Variants in TBC1D5 observed in about 807,000 individuals in gnomAD.
TBC1D5 encodes the protein TBC1 domain family, member 5.
In TBC1D5, 75 loss-of-function variants were observed where a neutral mutation model predicts 100.3. The observed-to-expected ratio is 0.75, with a 90% CI of 0.62 to 0.91. TBC1D5 has a LOEUF of 0.91. Among genes scored for constraint, TBC1D5 ranks in the 40% least tolerant of loss-of-function variants. TBC1D5 has a pLI of 0.00. For missense variants in TBC1D5, 910 were observed against 942.4 expected (o/e 0.97, Z 0.45); for synonymous variants, 323 against 325.6 (o/e 0.99, Z 0.09).
chr3:17,188,335 T>C (rs149258600), intron 18 of TBC1D5, among the ~76,000 whole-genome samples: 16 of 152,290 alleles, frequency 1.1e-4, no homozygotes, highest in South Asian at 8.3e-4. Context: ...GAAGTGCATC[T>C]TGAATACCTA....
At chr3:17,525,815 A>G (rs2096127445) in intron 2 of TBC1D5, among the ~76,000 whole-genome samples, 2 of 147,682 alleles carry the variant, frequency 1.4e-5, no homozygotes, top group Admixed American at 1.3e-4. Context: ...ATCCTCTCCC[A>G]ACCAATTCCT....
chr3:17,474,772 T>C (rs1007934254), intron 3 of TBC1D5, among the ~76,000 whole-genome samples: 1 of 152,086 alleles, frequency 6.6e-6, no homozygotes, highest in Non-Finnish European at 1.5e-5. Context: ...TGAATGTCAA[T>C]GGGCAAGGAC....
chr3:17,427,667 C>T (rs985098996), intron 4 of TBC1D5, among the ~76,000 whole-genome samples: 1 of 151,838 alleles, frequency 6.6e-6, no homozygotes, highest in Non-Finnish European at 1.5e-5. Flanking sequence ...TAAATTGTTT[C>T]TTCAAGAATC....
At chr3:17,572,886 C>T (rs1036461462) in intron 2 of TBC1D5, among the ~76,000 whole-genome samples, 12 of 152,066 alleles carry the variant, frequency 7.9e-5, no homozygotes, top group Non-Finnish European at 1.5e-4. Flanking sequence ...CTCCTTATCT[C>T]TACCTATAAT....
At chr3:17,552,090 T>C (rs1002429605) in intron 2 of TBC1D5, among the ~76,000 whole-genome samples, 1 of 152,030 alleles carries the variant, frequency 6.6e-6, no homozygotes, top group Admixed American at 6.6e-5. Flanking sequence ...TCCCTTAGGC[T>C]GTCTCTAATA....
At chr3:17,629,266 A>G (rs1035668266) in intron 1 of TBC1D5, among the ~76,000 whole-genome samples, 2 of 152,352 alleles carry the variant, frequency 1.3e-5, no homozygotes, top group East Asian at 1.9e-4. Context: ...ATGGTAATTT[A>G]GCCATTAGAT....
At chr3:17,260,818 A>G (rs1055036436) in intron 15 of TBC1D5, among the ~76,000 whole-genome samples, 5 of 152,240 alleles carry the variant, frequency 3.3e-5, no homozygotes, top group African/African-American at 4.8e-5. Flanking sequence ...ACTAAATGTG[A>G]TATTTTATTT....
chr3:17,472,134 G>A (rs1462742014), intron 3 of TBC1D5, among the ~76,000 whole-genome samples: 4 of 145,200 alleles, frequency 2.8e-5, no homozygotes, highest in African/African-American at 5.1e-5. Flanking sequence ...TATGAAAGGA[G>A]TTTTTTTTTT....
chr3:17,656,545 A>T (rs2066081056), intron 1 of TBC1D5, among the ~76,000 whole-genome samples: 1 of 152,154 alleles, frequency 6.6e-6, no homozygotes, highest in Admixed American at 6.5e-5. Flanking sequence ...CCCTGTTCTC[A>T]GATTCCCATG....
chr3:17,360,885 T>C (rs1213758102), intron 13 of TBC1D5, among the ~76,000 whole-genome samples: 1 of 151,980 alleles, frequency 6.6e-6, no homozygotes, highest in Non-Finnish European at 1.5e-5. Context: ...TTTTTGGTTG[T>C]TTTCATTAGT....
chr3:17,671,687 C>A (rs2067960622), intron 1 of TBC1D5, among the ~76,000 whole-genome samples: 1 of 152,124 alleles, frequency 6.6e-6, no homozygotes, highest in Non-Finnish European at 1.5e-5. Context: ...TAAACATTCT[C>A]CCCCAAATGT....
chr3:17,175,460 T>C (rs2067616168), intron 19 of TBC1D5, among the ~76,000 whole-genome samples: 1 of 152,196 alleles, frequency 6.6e-6, no homozygotes, highest in African/African-American at 2.4e-5. Context: ...AAATCTGTCA[T>C]AATCATGATA....
chr3:17,186,746 TA>T lies in TBC1D5; in HGVS notation c.1753-1539del, dbSNP rs1302354970. Among the ~76,000 whole-genome samples the T allele has an allele frequency of 4.1e-4, 34 of 83,136 alleles. 1 individual carries two copies. Among genetic ancestry groups the T allele is most frequent in the African/African-American group, 1.5e-3 (32 of 21,682 alleles). 54.5% of individuals were successfully genotyped at this position (83,136 alleles called of 152,430 possible). On this transcript the variant is annotated intron_variant, in intron 18 of 21. Coordinates refer to ENST00000253692, the Ensembl canonical transcript of TBC1D5. ...AAAAAAAAAAAAAAAAAAAAAAAAT[TA>T]AAAAAAGAAAAGAAAAGAAAATAGA...
chr3:17,713,112 GTATT>G (rs1560534550), intron 1 of TBC1D5, among the ~76,000 whole-genome samples: 1 of 151,964 alleles, frequency 6.6e-6, no homozygotes, highest in East Asian at 1.9e-4. Context: ...CTTTACTCGC[GTATT>G]TTTCTCTGTT....
rs576164910 is a variant in TBC1D5 at position 17,191,183 on chromosome 3, C to G, written c.1753-5975G>C. Among the ~76,000 whole-genome samples the G allele has an allele frequency of 1.4e-4, 22 of 152,258 alleles. No individual in the cohort carries two copies. In the South Asian group the frequency reaches 3.3e-3, roughly 23 times the overall value. On this transcript the variant is annotated intron_variant, in intron 18 of 21. Coordinates refer to ENST00000253692, the Ensembl canonical transcript of TBC1D5. ...AACAAGCTGGAATATAAATCACAAG[C>G]CTTAAAATCAGTATATACTAGGCTT... is the stretch of plus-strand genomic sequence containing the variant.
intron 2 of TBC1D5, among the ~76,000 whole-genome samples, chr3:17,612,178 T>C (rs2061718784): frequency 6.6e-6 from 1 of 151,384 alleles, no homozygotes; most frequent in Admixed American, 6.6e-5. Flanking sequence ...TGTGTACCTG[T>C]AGTCCCAGTT....
chr3:17,513,055 C>G (rs556881449), intron 2 of TBC1D5, among the ~76,000 whole-genome samples: 1 of 151,982 alleles, frequency 6.6e-6, no homozygotes, highest in African/African-American at 2.4e-5. Context: ...CAATACAGGC[C>G]GGGCATGGTG....
intron 2 of TBC1D5, among the ~76,000 whole-genome samples, chr3:17,559,884 C>T (rs565674125): frequency 8.5e-4 from 129 of 152,026 alleles, no homozygotes; most frequent in Non-Finnish European, 9.9e-4. Flanking sequence ...CCACCGCGCC[C>T]GGCCAAATCT....
chr3:17,185,055 T>C, intron 19 of TBC1D5, 54 bp downstream of exon 20: 1 of 1,492,424 alleles, frequency 6.7e-7, no homozygotes, highest in Non-Finnish European at 9.3e-7. Context: ...GTATTGCTAG[T>C]GGCTATTATT....
Sources: allele counts gnomAD v4.1 joint callset (sites outside exome capture counted in the v4.1 genomes callset), GRCh38; gene constraint gnomAD v4.1.1; transcripts MANE v1.5; gene names NCBI Gene and HGNC (gene_info 2026-07-23, HGNC 2026-07-21).